Variants in UGDH observed in about 807,000 individuals in gnomAD.
UGDH encodes the protein UDP-glucose 6-dehydrogenase.
A neutral mutation model predicts 50.6 loss-of-function variants in UGDH; 38 were observed. The ratio of observed to expected loss-of-function variants is 0.75; its 90% confidence interval spans 0.58 to 0.98. The LOEUF (loss-of-function observed/expected upper bound fraction) is 0.98, where lower values mean the gene tolerates loss of function less well. Ranked by LOEUF, UGDH falls within the 50% of genes least tolerant of loss-of-function variation. The pLI is 0.00. For missense variants in UGDH, 465 were observed against 606.2 expected, an observed-to-expected ratio of 0.77 and a Z score of 2.45; for synonymous variants, 168 against 199.9, an observed-to-expected ratio of 0.84 and a Z score of 1.35.
chr4:39,505,079 T>C (rs1745974470), intron 9 of UGDH, among the ~76,000 whole-genome samples, 158 bp downstream of exon 9: 2 of 152,188 alleles, frequency 1.3e-5, no homozygotes, highest in African/African-American at 4.8e-5. Flanking sequence ...AAATCAATGT[T>C]GATGACATTA....
intron 11 of UGDH, among the ~76,000 whole-genome samples, chr4:39,501,247 T>C (rs1157258291): frequency 6.6e-6 from 1 of 150,742 alleles, no homozygotes; most frequent in East Asian, 1.9e-4. Context: ...ATTACAGGCG[T>C]GAGCCACTGT....
intron 7 of UGDH, among the ~76,000 whole-genome samples, chr4:39,507,563 C>T (rs1033711377): frequency 2.0e-5 from 3 of 152,080 alleles, no homozygotes; most frequent in African/African-American, 4.8e-5. Flanking sequence ...CTCAGGCTCC[C>T]GAAGTACAGG....
intron 11 of UGDH, among the ~76,000 whole-genome samples, chr4:39,502,146 C>T (rs760120639): frequency 6.6e-6 from 1 of 151,960 alleles, no homozygotes; most frequent in Non-Finnish European, 1.5e-5. Context: ...ATGAGTAAAA[C>T]AGGAATGAGA....
intron 11 of UGDH, among the ~76,000 whole-genome samples, chr4:39,500,652 T>TA (rs1745764323): frequency 1.0e-5 from 1 of 96,108 alleles, no homozygotes; most frequent in Non-Finnish European, 2.2e-5. Flanking sequence ...AGCATAATTC[T>TA]CTTTTTTTTT....
At chr4:39,503,788 A>C in intron 11 of UGDH, 87 bp downstream of exon 11, 2 of 1,169,500 alleles carry the variant, frequency 1.7e-6, no homozygotes, top group Non-Finnish European at 2.4e-6. Flanking sequence ...TTTTGATGTC[A>C]ACTTGACTAG....
intron 1 of UGDH, 116 bp from the exon 2 acceptor site, chr4:39,521,635 T>C: frequency 2.4e-6 from 2 of 840,658 alleles, no homozygotes. Context: ...TCTGGAAAGA[T>C]TTCCTACATT....
At position 39,521,334 on chromosome 4, in the gene UGDH, A is replaced by G; in HGVS notation, c.162+17T>C. The G allele has an allele frequency of 9.5e-6, 15 of 1,583,158 alleles. No homozygotes were observed. Among genetic ancestry groups the G allele is most frequent in the Non-Finnish European group, 1.3e-5 (15 of 1,165,674 alleles). ...AAGAAAAAAGCATAAAAACAAAGAG[A>G]TGTTTAATATGTTTACCTCATAAAT... is the stretch of plus-strand genomic sequence containing the variant. On this transcript the variant is annotated intron_variant, in intron 2 of 11. Transcript: ENST00000316423.
intron 6 of UGDH, among the ~76,000 whole-genome samples, chr4:39,508,919 C>CT (rs1278941954): frequency 2.0e-5 from 3 of 146,666 alleles, no homozygotes; most frequent in African/African-American, 5.1e-5. Flanking sequence ...CTTTTATCTC[C>CT]TTTTTTTTCT....
At chr4:39,513,046 G>A (rs183672422) in intron 3 of UGDH, among the ~76,000 whole-genome samples, 6 of 152,140 alleles carry the variant, frequency 3.9e-5, no homozygotes, top group South Asian at 2.1e-4. Context: ...ATGCTCAAGC[G>A]ATCCGCCTGC....
In UGDH at chr4:39,500,107, A is replaced by C; in HGVS notation, c.*36T>G. ...TATTTGCTATCCTGAAGTACCAAAA[A>C]AAAAAAAAAAAAATCACAAATAAAA... On this transcript the variant is annotated 3_prime_UTR_variant, in exon 12 of 12. Transcript: ENST00000316423. The C allele has an allele frequency of 9.1e-7, 1 of 1,094,726 alleles. No homozygotes were observed. The highest frequency in any genetic ancestry group is 1.3e-6 in the Non-Finnish European group (1 of 790,918). 67.8% of individuals were successfully genotyped at this position (1,094,726 alleles called of 1,614,324 possible).
chr4:39,505,553 C>CA, intron 8 of UGDH, 65 bp downstream of exon 8: 1 of 1,438,996 alleles, frequency 6.9e-7, no homozygotes, highest in South Asian at 1.8e-5. Context: ...CTACCCCAAT[C>CA]AAAAAATTAA....
chr4:39,525,197 ATTTCTTT>A (rs1746824462), intron 1 of UGDH, among the ~76,000 whole-genome samples: 3 of 152,092 alleles, frequency 2.0e-5, no homozygotes. Context: ...TCCATTTTCT[ATTTCTTT>A]TTTCTTTTTG....
At chr4:39,523,339 A>G (rs1746744358) in intron 1 of UGDH, among the ~76,000 whole-genome samples, 1 of 152,136 alleles carries the variant, frequency 6.6e-6, no homozygotes, top group Non-Finnish European at 1.5e-5. Flanking sequence ...GGCACGAGCC[A>G]CTGTGCCAGG....
chr4:39,512,657 C>T (rs1197082441), intron 3 of UGDH, among the ~76,000 whole-genome samples: 1 of 151,434 alleles, frequency 6.6e-6, no homozygotes, highest in Non-Finnish European at 1.5e-5. Flanking sequence ...CTAAGTAACT[C>T]ATTGATTTTT....
intron 11 of UGDH, among the ~76,000 whole-genome samples, chr4:39,500,653 C>CTTT (rs11284301): frequency 1.5e-4 from 20 of 135,224 alleles, no homozygotes; most frequent in African/African-American, 2.4e-4. Context: ...GCATAATTCT[C>CTTT]TTTTTTTTTT....
chr4:39,503,206 C>T (rs575104675), intron 11 of UGDH, among the ~76,000 whole-genome samples: 7 of 152,246 alleles, frequency 4.6e-5, no homozygotes, highest in Non-Finnish European at 7.4e-5. Flanking sequence ...TGAGCCACCG[C>T]GCCCAGCAAT....
chr4:39,503,814 T>C (rs1484055937), intron 11 of UGDH, 61 bp downstream of exon 11: 11 of 1,441,500 alleles, frequency 7.6e-6, no homozygotes, highest in Non-Finnish European at 1.1e-5. Flanking sequence ...AGTCCCCAGT[T>C]GTTGAATCAA....
At chr4:39,522,340 T>G (rs1441149532) in intron 1 of UGDH, among the ~76,000 whole-genome samples, 1 of 152,218 alleles carries the variant, frequency 6.6e-6, no homozygotes, top group Non-Finnish European at 1.5e-5. Flanking sequence ...AAGCAAAGAA[T>G]GGTTTTGCCT....
rs553253709 is a variant in UGDH, at chr4:39,502,822, T to A, written c.1374+1053A>T. 2.6e-5 allele frequency among the ~76,000 whole-genome samples: 4 copies of A among 151,800 alleles called. No individual in the cohort carries two copies. The East Asian group carries it at 7.7e-4, about 29-fold the overall frequency. ...CATGCAATGGCATGATCTCAGCTCA[T>A]TACAACCTCTGCCTGCTGGGCTCAA... On this transcript the variant is annotated intron_variant, in intron 11 of 11. Transcript: ENST00000316423.
Sources: allele counts gnomAD v4.1 joint callset (sites outside exome capture counted in the v4.1 genomes callset), GRCh38; gene constraint gnomAD v4.1.1; transcripts MANE v1.5; gene names NCBI Gene and HGNC (gene_info 2026-07-23, HGNC 2026-07-21).